The following TSGA10 variants were observed in gnomAD, a reference collection of about 807,000 sequenced individuals.
TSGA10 encodes testis specific 10.
A neutral mutation model predicts 96.6 loss-of-function variants in TSGA10; 43 were observed. The observed-to-expected ratio is 0.44, with a 90% CI of 0.35 to 0.57. The LOEUF is 0.57. TSGA10 is among the 20% of genes least tolerant of loss of function. TSGA10 has a pLI of 0.01. For synonymous variants in TSGA10, 229 were observed against 269.9 expected, an observed-to-expected ratio of 0.85 and a Z score of 1.48; for missense variants, 703 against 834.4, an observed-to-expected ratio of 0.84 and a Z score of 1.94.
intron 16 of TSGA10, among the ~76,000 whole-genome samples, chr2:99,063,366 TTGA>T: frequency 6.6e-6 from 1 of 152,182 alleles, no homozygotes; most frequent in East Asian, 1.9e-4. Context: ...TAGGAAAATA[TTGA>T]TAATAATTCT....
At chr2:99,152,016 C>A (rs916437675) in intron 1 of TSGA10, among the ~76,000 whole-genome samples, 1 of 151,906 alleles carries the variant, frequency 6.6e-6, no homozygotes, top group Admixed American at 6.6e-5. Flanking sequence ...GGGACATAAG[C>A]CAAAAAGACA....
intron 16 of TSGA10, among the ~76,000 whole-genome samples, chr2:99,037,783 G>A (rs969869174): frequency 3.3e-5 from 5 of 152,152 alleles, no homozygotes; most frequent in African/African-American, 1.2e-4. Flanking sequence ...TCAGGAGGCA[G>A]AGGTTGCAGT....
At chr2:99,132,897 C>T (rs778179897) in intron 1 of TSGA10, among the ~76,000 whole-genome samples, 7 of 151,734 alleles carry the variant, frequency 4.6e-5, no homozygotes, top group Non-Finnish European at 8.8e-5. Context: ...TATACAGTTG[C>T]GTGATTTTGA....
chr2:99,092,074 A>G (rs2089420518), intron 10 of TSGA10, among the ~76,000 whole-genome samples: 2 of 152,188 alleles, frequency 1.3e-5, no homozygotes, highest in Admixed American at 1.3e-4. Flanking sequence ...TTTAAATTAT[A>G]TCAAGTACTG....
At chr2:99,042,351 G>A (rs2082277607) in intron 16 of TSGA10, among the ~76,000 whole-genome samples, 1 of 152,106 alleles carries the variant, frequency 6.6e-6, no homozygotes, top group Non-Finnish European at 1.5e-5. Context: ...ATCCTAAAAG[G>A]GCCCCTCAGT....
Position 99,063,006 on chromosome 2 carries a change from C to G in TSGA10, c.1404+1933G>C, listed in dbSNP as rs2084868057. 2.0e-5 allele frequency among the ~76,000 whole-genome samples: 3 copies of G among 152,112 alleles called. No homozygotes were observed. In the South Asian group the frequency reaches 6.2e-4, roughly 32 times the overall value. ...AGGGAACATTAATTCTTCCAGATAT[C>G]AAGACTCAACATAAAATTATAATAG... On this transcript the variant is annotated intron_variant, in intron 16 of 20. Coordinates refer to ENST00000393483, the MANE Select transcript of TSGA10 (RefSeq NM_025244.4).
chr2:99,063,174 T>C (rs560869977), intron 16 of TSGA10, among the ~76,000 whole-genome samples: 2 of 152,200 alleles, frequency 1.3e-5, no homozygotes, highest in Non-Finnish European at 2.9e-5. Flanking sequence ...ATAAAAATTA[T>C]ATGTCTACTT....
chr2:99,131,669 G>A (rs1187593172), intron 1 of TSGA10, among the ~76,000 whole-genome samples: 1 of 152,122 alleles, frequency 6.6e-6, no homozygotes, highest in African/African-American at 2.4e-5. Flanking sequence ...GAATAGGAGT[G>A]GTGAGAGAGG....
chr2:99,094,588 A>C (rs2089797334), intron 10 of TSGA10, among the ~76,000 whole-genome samples: 1 of 152,244 alleles, frequency 6.6e-6, no homozygotes, highest in Admixed American at 6.5e-5. Context: ...AAAGTGGGCT[A>C]AGGACATGAA....
intron 10 of TSGA10, among the ~76,000 whole-genome samples, chr2:99,083,340 G>C (rs1265298405): frequency 6.6e-6 from 1 of 151,980 alleles, no homozygotes; most frequent in Non-Finnish European, 1.5e-5. Context: ...AGCAACCACT[G>C]AAAAATCTAT....
intron 17 of TSGA10, among the ~76,000 whole-genome samples, chr2:99,027,722 C>T (rs2080756090): frequency 6.6e-6 from 1 of 151,918 alleles, no homozygotes; most frequent in Non-Finnish European, 1.5e-5. Context: ...AAAAGAAGGC[C>T]TAATAACAAT....
At chr2:99,000,739 T>C (rs975498044) in intron 20 of TSGA10, among the ~76,000 whole-genome samples, 2 of 151,840 alleles carry the variant, frequency 1.3e-5, no homozygotes, top group African/African-American at 2.4e-5. Context: ...GTCGGGGAAT[T>C]CCCTTTCCTA....
chr2:99,149,407 A>G (rs930191134), intron 1 of TSGA10, among the ~76,000 whole-genome samples: 3 of 150,606 alleles, frequency 2.0e-5, no homozygotes, highest in African/African-American at 7.3e-5. Context: ...CCTTTGGGAA[A>G]CTTCCCAAGG....
intron 16 of TSGA10, among the ~76,000 whole-genome samples, chr2:99,043,321 G>A (rs1323247960): frequency 6.6e-6 from 1 of 152,064 alleles, no homozygotes; most frequent in Non-Finnish European, 1.5e-5. Context: ...AAAAAAGATT[G>A]ATGAAGATTA....
rs571919781 is a variant in TSGA10 at position 99,109,386 on chromosome 2, T to C, written c.51+3A>G. 1.8e-5 allele frequency: 29 copies of C among 1,613,874 alleles called. No individual in the cohort carries two copies. The highest frequency in any genetic ancestry group is 8.0e-5 in the African/African-American group (6 of 75,054). On this transcript the variant is annotated splice_donor_region_variant and intron_variant, in intron 6 of 20. Transcript: ENST00000393483. ...AAAATATTTGTAAGTTTATAAAACCTACCCGGGCAGTTGGTGATGGGCGTC... is the reference window on the plus strand; with the variant it reads ...AAAATATTTGTAAGTTTATAAAACCCACCCGGGCAGTTGGTGATGGGCGTC...
intron 16 of TSGA10, among the ~76,000 whole-genome samples, chr2:99,046,165 G>T (rs987984509): frequency 5.9e-5 from 9 of 152,066 alleles, no homozygotes; most frequent in Admixed American, 2.6e-4. Flanking sequence ...ACAGATCAGC[G>T]AGACAGAAAG....
intron 20 of TSGA10, among the ~76,000 whole-genome samples, chr2:99,004,177 C>A (rs1161498812): frequency 3.3e-5 from 5 of 152,168 alleles, no homozygotes; most frequent in African/African-American, 9.6e-5. Flanking sequence ...CACCTCTATG[C>A]AAATAAACTA....
At chr2:99,011,858 A>G (rs892506100) in intron 20 of TSGA10, among the ~76,000 whole-genome samples, 2 of 152,184 alleles carry the variant, frequency 1.3e-5, no homozygotes, top group African/African-American at 4.8e-5. Flanking sequence ...ATTCATTGCA[A>G]AAAGATCATC....
chr2:99,133,776 C>A (rs2105046864), intron 1 of TSGA10, among the ~76,000 whole-genome samples: 1 of 152,276 alleles, frequency 6.6e-6, no homozygotes, highest in Middle Eastern at 3.4e-3. Flanking sequence ...TAAGCCAGGT[C>A]TGGTGGTGAC....
Sources: gnomAD v4.1 joint callset for allele counts (sites outside exome capture counted in the v4.1 genomes callset) on GRCh38, gnomAD v4.1.1 for gene constraint, MANE v1.5 for transcripts, NCBI Gene and HGNC (gene_info 2026-07-23, HGNC 2026-07-21) for gene names.